The following MCC variants were observed in gnomAD, a reference collection of about 807,000 sequenced individuals.
MCC encodes the protein colorectal mutant cancer protein.
A neutral mutation model predicts 116.2 loss-of-function variants in MCC; 90 were observed. The ratio of observed to expected loss-of-function variants is 0.77; its 90% CI spans 0.65 to 0.92. The LOEUF is 0.92. Ranked by LOEUF, MCC falls within the 40% of genes least tolerant of loss-of-function variation. The probability of loss-of-function intolerance (pLI) is 0.00; values close to 1 mark genes in which losing one functional copy is unlikely to be tolerated. For missense variants in MCC, 1,516 were observed against 1,312.2 expected (o/e 1.16, Z -2.40); for synonymous variants, 578 against 510.5 (o/e 1.13, Z -1.78).
chr5:113,081,911 T>C (rs1293803075), intron 11 of MCC, among the ~76,000 whole-genome samples: 1 of 152,216 alleles, frequency 6.6e-6, no homozygotes, highest in African/African-American at 2.4e-5. Context: ...GGGAACGGTA[T>C]CCCTATTTCT....
intron 3 of MCC, among the ~76,000 whole-genome samples, chr5:113,265,047 A>AT (rs1765370884): frequency 3.9e-5 from 6 of 152,178 alleles, no homozygotes; most frequent in Admixed American, 3.9e-4. Context: ...CAAAAAAAAA[A>AT]GTTGCACTGG....
intron 3 of MCC, among the ~76,000 whole-genome samples, chr5:113,215,158 T>C (rs897687925): frequency 2.0e-5 from 3 of 152,338 alleles, no homozygotes; most frequent in South Asian, 2.1e-4. Flanking sequence ...CTGACAACCC[T>C]AGGCAGAGGT....
chr5:113,469,274 T>A (rs1772009761), intron 1 of MCC, among the ~76,000 whole-genome samples: 1 of 152,228 alleles, frequency 6.6e-6, no homozygotes, highest in Non-Finnish European at 1.5e-5. Flanking sequence ...ATTGTGATGT[T>A]AGGGTGTCGA....
intron 3 of MCC, among the ~76,000 whole-genome samples, chr5:113,196,830 C>G (rs1259726552): frequency 1.3e-5 from 2 of 152,126 alleles, no homozygotes; most frequent in African/African-American, 2.4e-5. Flanking sequence ...CAGAACAAGA[C>G]TCTATCTCAA....
At chr5:113,302,654 C>G (rs958471944) in intron 3 of MCC, among the ~76,000 whole-genome samples, 1 of 152,036 alleles carries the variant, frequency 6.6e-6, no homozygotes, top group Non-Finnish European at 1.5e-5. Context: ...GGATTCATGT[C>G]AAAGTACTAG....
At chr5:113,094,750 C>G (rs762969567) in intron 8 of MCC, among the ~76,000 whole-genome samples, 1 of 152,174 alleles carries the variant, frequency 6.6e-6, no homozygotes, top group South Asian at 2.1e-4. Context: ...AGCTTTTTGA[C>G]AAATTGAGTC....
chr5:113,316,389 A>G (rs930498371), intron 3 of MCC, among the ~76,000 whole-genome samples: 5 of 152,216 alleles, frequency 3.3e-5, no homozygotes, highest in Non-Finnish European at 5.9e-5. Context: ...TTAAAATACC[A>G]ATAACAAATA....
intron 16 of MCC, among the ~76,000 whole-genome samples, chr5:113,046,555 G>A (rs1319355238): frequency 1.3e-5 from 2 of 151,796 alleles, no homozygotes; most frequent in Non-Finnish European, 2.9e-5. Context: ...TAAATACCAG[G>A]AACTAGGGGA....
chr5:113,146,053 GA>G lies in MCC; in HGVS notation c.742-2694del, dbSNP rs1330040813. Among the ~76,000 whole-genome samples, 10 of 152,020 alleles carry G rather than the reference GA, an allele frequency of 6.6e-5. No homozygotes were observed. In the South Asian group the frequency reaches 8.3e-4, roughly 13 times the overall value. ...GAGAAGTAACAAGAATATATTAGAG[GA>G]AAAAAACCTCCTTTAACTAAGGGCA... On this transcript the variant is annotated intron_variant, in intron 4 of 18. Transcript: ENST00000408903.
At chr5:113,084,280 G>C in intron 9 of MCC, 90 bp from the exon 10 acceptor site, 2 of 999,668 alleles carry the variant, frequency 2.0e-6, no homozygotes, top group East Asian at 2.4e-5. Context: ...CTACTTTTTA[G>C]CCATGTCAAC....
At chr5:113,231,758 T>C (rs1763948066) in intron 3 of MCC, among the ~76,000 whole-genome samples, 1 of 152,200 alleles carries the variant, frequency 6.6e-6, no homozygotes, top group Non-Finnish European at 1.5e-5. Context: ...AAAATATGTA[T>C]TGAACTTTGA....
At chr5:113,060,355 A>C (rs1753133929) in intron 14 of MCC, among the ~76,000 whole-genome samples, 1 of 152,026 alleles carries the variant, frequency 6.6e-6, no homozygotes, top group South Asian at 2.1e-4. Context: ...GGATTTCACT[A>C]TGTTGTCCAG....
At chr5:113,229,887 G>C (rs990620142) in intron 3 of MCC, among the ~76,000 whole-genome samples, 3 of 152,178 alleles carry the variant, frequency 2.0e-5, no homozygotes, top group African/African-American at 7.2e-5. Context: ...GTCTAAATTT[G>C]TGTAAGGACA....
At chr5:113,084,624 A>T (rs1015811159) in intron 9 of MCC, among the ~76,000 whole-genome samples, 1 of 122,864 alleles carries the variant, frequency 8.1e-6, no homozygotes, top group African/African-American at 5.3e-5. Flanking sequence ...TAGCAGAGCT[A>T]CCAGGCAAGC....
chr5:113,351,720 G>T (rs1389613293), intron 2 of MCC, among the ~76,000 whole-genome samples: 1 of 152,156 alleles, frequency 6.6e-6, no homozygotes, highest in Non-Finnish European at 1.5e-5. Context: ...CGACACAAAG[G>T]ATAAATGCTT....
chr5:113,075,583 G>T (rs1189467274), intron 11 of MCC, among the ~76,000 whole-genome samples: 1 of 152,202 alleles, frequency 6.6e-6, no homozygotes, highest in Admixed American at 6.5e-5. Flanking sequence ...TCTAGCTCAA[G>T]GTTTGTAAAT....
At chr5:113,078,658 T>C (rs1420826294) in intron 11 of MCC, among the ~76,000 whole-genome samples, 6 of 152,146 alleles carry the variant, frequency 3.9e-5, no homozygotes, top group Non-Finnish European at 8.8e-5. Flanking sequence ...GGGACGTATC[T>C]CAAAATAATA....
intron 3 of MCC, among the ~76,000 whole-genome samples, chr5:113,253,919 T>C (rs563587187): frequency 1.3e-5 from 2 of 152,060 alleles, no homozygotes; most frequent in South Asian, 2.1e-4. Flanking sequence ...CCCAGAAAAC[T>C]GGGTGAGTGG....
chr5:113,235,550 G>A (rs57414593), intron 3 of MCC, among the ~76,000 whole-genome samples: 1,895 of 152,276 alleles, frequency 0.012, 36 homozygotes, highest in African/African-American at 0.043. Flanking sequence ...AACTGAGTGG[G>A]GAAACACAAA....
Sources: gnomAD v4.1 joint callset for allele counts (sites outside exome capture counted in the v4.1 genomes callset) on GRCh38, gnomAD v4.1.1 for gene constraint, MANE v1.5 for transcripts, NCBI Gene and HGNC (gene_info 2026-07-23, HGNC 2026-07-21) for gene names.